Variants in CAMK4 observed in about 807,000 individuals in gnomAD.
CAMK4 encodes calcium/calmodulin dependent protein kinase IV.
A neutral mutation model predicts 44.9 loss-of-function variants in CAMK4; 22 were observed. The observed-to-expected ratio is 0.49, with a 90% confidence interval of 0.35 to 0.70. The LOEUF (loss-of-function observed/expected upper bound fraction) is 0.70, where lower values mean the gene tolerates loss of function less well. Among genes scored for constraint, CAMK4 ranks in the 30% least tolerant of loss-of-function variants. CAMK4 has a pLI of 0.01. For missense variants in CAMK4, 498 were observed against 586.8 expected (o/e 0.85, Z 1.56); for synonymous variants, 218 against 215.4 (o/e 1.01, Z -0.11).
At chr5:111,453,579 G>T (rs1327957243) in intron 7 of CAMK4, among the ~76,000 whole-genome samples, 1 of 152,030 alleles carries the variant, frequency 6.6e-6, no homozygotes, top group African/African-American at 2.4e-5. Flanking sequence ...AGAAAGCAAA[G>T]AATTTACGCA....
intron 1 of CAMK4, among the ~76,000 whole-genome samples, chr5:111,281,781 G>A (rs1014117048): frequency 4.6e-5 from 7 of 152,160 alleles, no homozygotes; most frequent in South Asian, 2.1e-4. Flanking sequence ...GGAATTGGCC[G>A]GGCGCGGTGG....
chr5:111,367,524 A>C (rs1048722428), intron 2 of CAMK4, among the ~76,000 whole-genome samples: 13 of 152,068 alleles, frequency 8.5e-5, no homozygotes, highest in African/African-American at 3.1e-4. Flanking sequence ...GGGCCACCTT[A>C]TATTTTTTTC....
At chr5:111,441,068 A>G (rs1301837829) in intron 5 of CAMK4, among the ~76,000 whole-genome samples, 2 of 152,216 alleles carry the variant, frequency 1.3e-5, no homozygotes, top group Admixed American at 1.3e-4. Flanking sequence ...TCACATAGCT[A>G]ACAAATGATA....
At chr5:111,342,578 T>A (rs1749689525) in intron 1 of CAMK4, among the ~76,000 whole-genome samples, 1 of 151,150 alleles carries the variant, frequency 6.6e-6, no homozygotes, top group African/African-American at 2.4e-5. Flanking sequence ...TTTTATCCAA[T>A]CTGCTCTTTA....
At chr5:111,463,207 A>G (rs1445449763) in intron 7 of CAMK4, among the ~76,000 whole-genome samples, 1 of 152,238 alleles carries the variant, frequency 6.6e-6, no homozygotes, top group Admixed American at 6.5e-5. Flanking sequence ...TCAATAAATG[A>G]TTATTTACTA....
At chr5:111,383,820 A>T (rs1382931588) in intron 4 of CAMK4, among the ~76,000 whole-genome samples, 1 of 152,132 alleles carries the variant, frequency 6.6e-6, no homozygotes, top group Non-Finnish European at 1.5e-5. Context: ...TTCAGCAATG[A>T]AAAGGAATGT....
intron 1 of CAMK4, among the ~76,000 whole-genome samples, chr5:111,310,253 C>G (rs1748143006): frequency 6.6e-6 from 1 of 152,166 alleles, no homozygotes; most frequent in Non-Finnish European, 1.5e-5. Flanking sequence ...CCTCCATTCT[C>G]TAGTAAACAT....
At chr5:111,253,887 C>T (rs898766247) in intron 1 of CAMK4, among the ~76,000 whole-genome samples, 4 of 152,130 alleles carry the variant, frequency 2.6e-5, no homozygotes, top group Non-Finnish European at 5.9e-5. Flanking sequence ...GACAAGTCAA[C>T]TCACTATTTA....
At chr5:111,352,092 C>G (rs1460965288) in intron 2 of CAMK4, among the ~76,000 whole-genome samples, 2 of 152,042 alleles carry the variant, frequency 1.3e-5, no homozygotes, top group African/African-American at 4.8e-5. Context: ...AGGCCCATCT[C>G]CAAATGCTAT....
At position 111,491,137 on chromosome 5, in the gene CAMK4, T is replaced by C. The variant is rs987643019; in HGVS notation, c.*6671T>C. 5.3e-5 allele frequency: 8 copies of C among 152,194 alleles called. No homozygotes were observed. The highest frequency in any genetic ancestry group is 1.0e-4 in the Non-Finnish European group (7 of 68,036). 9.4% of individuals were successfully genotyped at this position (152,194 alleles called of 1,614,324 possible). A position where few individuals can be genotyped will look rare whatever the true frequency, so the allele number is the denominator to read the frequency against. ...AATTTCCACATAATTCCCCAAGAAC[T>C]GAACTCAAATCTCCAAAAATTTTTC... On this transcript the variant is annotated 3_prime_UTR_variant, in exon 11 of 11. Coordinates refer to ENST00000282356, the MANE Select transcript of CAMK4 (RefSeq NM_001744.6).
intron 2 of CAMK4, among the ~76,000 whole-genome samples, chr5:111,361,389 T>C (rs1252638810): frequency 6.6e-6 from 1 of 152,012 alleles, no homozygotes; most frequent in East Asian, 1.9e-4. Context: ...AGTTTGGGAA[T>C]TGTGCACATA....
chr5:111,344,421 CACACACACACAT>C (rs1749783924), intron 2 of CAMK4, among the ~76,000 whole-genome samples: 3 of 49,960 alleles, frequency 6.0e-5, no homozygotes, highest in South Asian at 6.5e-4. Context: ...TGTATATACA[CACACACACACAT>C]ACACACACAC....
intron 5 of CAMK4, among the ~76,000 whole-genome samples, chr5:111,400,330 TTATGAAATAG>T (rs1340778659): frequency 6.6e-6 from 1 of 152,210 alleles, no homozygotes; most frequent in Non-Finnish European, 1.5e-5. Flanking sequence ...TGGCTGGCAT[TTATGAAATAG>T]TTTATTGTCA....
chr5:111,265,949 C>T (rs1042685466), intron 1 of CAMK4: 4 of 152,252 alleles, frequency 2.6e-5, no homozygotes, highest in Non-Finnish European at 5.9e-5. Context: ...GGATCTATGT[C>T]ATGGAGGGCT....
chr5:111,424,599 C>T lies in CAMK4; in HGVS notation c.460-22087C>T, dbSNP rs541792062. On this transcript the variant is annotated intron_variant, in intron 5 of 10. Transcript: ENST00000282356. ...AGCTGGGACTACAGGTGCCCACCAC[C>T]ACGCCCGGCTAATTTTTAAAAATAT... Among the ~76,000 whole-genome samples, 25 of 151,786 alleles carry T rather than the reference C, an allele frequency of 1.6e-4. No individual in the cohort carries two copies. In the East Asian group the frequency reaches 4.1e-3, roughly 25 times the overall value.
At chr5:111,461,258 A>T (rs1019064798) in intron 7 of CAMK4, among the ~76,000 whole-genome samples, 1 of 152,224 alleles carries the variant, frequency 6.6e-6, no homozygotes, top group African/African-American at 2.4e-5. Context: ...CATGGCACGC[A>T]TAGAATTGAG....
At chr5:111,328,288 T>G (rs1185697776) in intron 1 of CAMK4, among the ~76,000 whole-genome samples, 1 of 151,688 alleles carries the variant, frequency 6.6e-6, no homozygotes, top group East Asian at 1.9e-4. Context: ...CATTGCTTGT[T>G]TTTGTCAGGT....
At chr5:111,320,740 A>G (rs942166343) in intron 1 of CAMK4, among the ~76,000 whole-genome samples, 1 of 152,126 alleles carries the variant, frequency 6.6e-6, no homozygotes, top group Non-Finnish European at 1.5e-5. Flanking sequence ...TCCTGACCTC[A>G]GGTGATCCAC....
rs999646130 is a variant in CAMK4 at position 111,453,991 on chromosome 5, C to G, written c.625+4788C>G. On this transcript the variant is annotated intron_variant, in intron 7 of 10. Coordinates refer to ENST00000282356, the MANE Select transcript of CAMK4 (RefSeq NM_001744.6). ...TTAATCGGTATGTGAAAGGCATGCT[C>G]CAGGCTGGACGCTTTCTTATCTTTC... is the stretch of plus-strand genomic sequence containing the variant. Among the ~76,000 whole-genome samples, 9 of 151,938 alleles carry G rather than the reference C, an allele frequency of 5.9e-5. No individual in the cohort carries two copies. In the East Asian group the frequency reaches 1.7e-3, roughly 29 times the overall value.
Sources: gnomAD v4.1 joint callset for allele counts (sites outside exome capture counted in the v4.1 genomes callset) on GRCh38, gnomAD v4.1.1 for gene constraint, MANE v1.5 for transcripts, NCBI Gene and HGNC (gene_info 2026-07-23, HGNC 2026-07-21) for gene names.